The following KCNK5 variants were observed in gnomAD, a reference collection of about 807,000 sequenced individuals.
KCNK5 encodes potassium channel subfamily K member 5.
KCNK5 carries 18 observed loss-of-function variants against 32.9 expected under a neutral mutation model. That is an observed-to-expected ratio of 0.55 (90% CI 0.38 to 0.81). The LOEUF is 0.81. KCNK5 is among the 30% of genes least tolerant of loss of function. KCNK5 has a pLI of 0.00. For synonymous variants in KCNK5, 276 were observed against 275.3 expected, an observed-to-expected ratio of 1.00 and a Z score of -0.03; for missense variants, 507 against 651.0, an observed-to-expected ratio of 0.78 and a Z score of 2.41.
At chr6:39,216,728 T>TAGG (rs1391359439) in intron 1 of KCNK5, among the ~76,000 whole-genome samples, 2 of 152,196 alleles carry the variant, frequency 1.3e-5, no homozygotes, top group Non-Finnish European at 2.9e-5. Flanking sequence ...CAGCTCCCGT[T>TAGG]ACGGCTGTCA....
At chr6:39,211,425 G>C (rs981424844) in intron 1 of KCNK5, among the ~76,000 whole-genome samples, 1 of 152,150 alleles carries the variant, frequency 6.6e-6, no homozygotes, top group Non-Finnish European at 1.5e-5. Flanking sequence ...CGCTCGCCTC[G>C]GCTGTGCTTA....
At chr6:39,226,130 T>C (rs996829569) in intron 1 of KCNK5, among the ~76,000 whole-genome samples, 5 of 152,192 alleles carry the variant, frequency 3.3e-5, no homozygotes, top group Non-Finnish European at 1.5e-5. Context: ...GTGCCCTCTC[T>C]CATAAAATGA....
Position 39,219,038 on chromosome 6 carries a change from G to C in KCNK5, c.186+9888C>G, listed in dbSNP as rs12524213. ...GCTTAGTAAAATATCTGCTGAATGA[G>C]GAGCTGGATGGTTTGCTCTGTCTCA... On this transcript the variant is annotated intron_variant, in intron 1 of 4. Transcript: ENST00000359534. Among the ~76,000 whole-genome samples the C allele has an allele frequency of 4.5e-3, 678 of 152,266 alleles. 22 individuals carry two copies. The highest frequency in any genetic ancestry group is 0.043 in the Admixed American group (665 of 15,292).
intron 1 of KCNK5, among the ~76,000 whole-genome samples, chr6:39,213,322 A>G (rs1273650813): frequency 6.6e-6 from 1 of 152,232 alleles, no homozygotes; most frequent in East Asian, 1.9e-4. Flanking sequence ...AGAAAAAGTC[A>G]TCAATAATCC....
At chr6:39,222,978 C>T (rs1380582050) in intron 1 of KCNK5, among the ~76,000 whole-genome samples, 3 of 152,160 alleles carry the variant, frequency 2.0e-5, no homozygotes, top group Non-Finnish European at 4.4e-5. Context: ...ATATACTTAA[C>T]ACTACTGAGC....
intron 1 of KCNK5, among the ~76,000 whole-genome samples, chr6:39,214,292 C>T (rs1342696357): frequency 6.6e-6 from 1 of 152,178 alleles, no homozygotes; most frequent in African/African-American, 2.4e-5. Context: ...CATGCTTTCA[C>T]CAGGCAACCT....
intron 1 of KCNK5, among the ~76,000 whole-genome samples, 174 bp downstream of exon 1, chr6:39,228,752 G>A (rs1771716041): frequency 6.6e-6 from 1 of 152,138 alleles, no homozygotes; most frequent in African/African-American, 2.4e-5. Context: ...GTGTCCCTCG[G>A]GTGAGCGACA....
intron 1 of KCNK5, among the ~76,000 whole-genome samples, chr6:39,214,584 A>G (rs955685298): frequency 1.2e-4 from 18 of 152,166 alleles, no homozygotes; most frequent in African/African-American, 3.9e-4. Flanking sequence ...ATGGTTCAGG[A>G]CATTCATTAA....
rs971327090 is a variant in KCNK5 at position 39,190,401 on chromosome 6, C to T, written c.*489G>A. ...CCCACAGCTGGGATGCGGGCGGGCC[C>T]TGCTCCTGCTGTGGTACGGAAACAC... On this transcript the variant is annotated 3_prime_UTR_variant, in exon 5 of 5. Coordinates refer to ENST00000359534, the MANE Select transcript of KCNK5 (RefSeq NM_003740.4). 2 of 153,062 alleles carry T rather than the reference C, an allele frequency of 1.3e-5. No individual in the cohort carries two copies. Among genetic ancestry groups the T allele is most frequent in the African/African-American group, 4.8e-5 (2 of 41,456 alleles). 9.5% of individuals were successfully genotyped at this position (153,062 alleles called of 1,614,324 possible).
At chr6:39,211,902 T>C (rs1378869092) in intron 1 of KCNK5, among the ~76,000 whole-genome samples, 1 of 152,010 alleles carries the variant, frequency 6.6e-6, no homozygotes. Context: ...AGACGGAGGT[T>C]GCAGTGAGCT....
chr6:39,225,797 C>T (rs1164357356), intron 1 of KCNK5, among the ~76,000 whole-genome samples: 1 of 152,222 alleles, frequency 6.6e-6, no homozygotes, highest in African/African-American at 2.4e-5. Context: ...GGCAGACTGC[C>T]TGGTCATTGC....
intron 1 of KCNK5, among the ~76,000 whole-genome samples, chr6:39,215,913 G>A (rs1771425203): frequency 6.6e-6 from 1 of 152,208 alleles, no homozygotes; most frequent in Non-Finnish European, 1.5e-5. Context: ...AGTCGTAGGG[G>A]GAGGGGCTGG....
chr6:39,214,862 C>A lies in KCNK5; in HGVS notation c.186+14064G>T, dbSNP rs1771405502. Among the ~76,000 whole-genome samples the A allele has an allele frequency of 1.3e-5, 2 of 152,240 alleles. 1 individual carries two copies. Among genetic ancestry groups the A allele is most frequent in the South Asian group, 4.1e-4 (2 of 4,836 alleles). ...GCCCTCACAATATGCCCCAACCCCA[C>A]TCAATTCATAATATGCATTGCATGG... On this transcript the variant is annotated intron_variant, in intron 1 of 4. Coordinates refer to ENST00000359534, the MANE Select transcript of KCNK5 (RefSeq NM_003740.4).
chr6:39,205,251 G>A (rs1771203882), intron 1 of KCNK5, among the ~76,000 whole-genome samples: 1 of 152,132 alleles, frequency 6.6e-6, no homozygotes, highest in African/African-American at 2.4e-5. Context: ...CAGACACAGG[G>A]GACCTCGAGG....
intron 1 of KCNK5, among the ~76,000 whole-genome samples, chr6:39,203,538 C>G (rs1771167528): frequency 6.6e-6 from 1 of 152,258 alleles, no homozygotes; most frequent in Non-Finnish European, 1.5e-5. Flanking sequence ...CCACTTCCCC[C>G]CCATCACCCC....
At position 39,194,426 on chromosome 6, in the gene KCNK5, G is replaced by C; in HGVS notation, c.466-89C>G. 6.8e-7 allele frequency: 1 copy of C among 1,478,398 alleles called. No homozygotes were observed. Among genetic ancestry groups the C allele is most frequent in the African/African-American group, 1.4e-5 (1 of 71,350 alleles). 91.6% of individuals were successfully genotyped at this position (1,478,398 alleles called of 1,614,324 possible). A position where few individuals can be genotyped will look rare whatever the true frequency, so the allele number is the denominator to read the frequency against. ...CAGAGGGCCAGGGAGGCAGCTAGAG[G>C]AGAAGCTAGCTGGGTACCCAGCCTG... is the stretch of plus-strand genomic sequence containing the variant. On this transcript the variant is annotated intron_variant, in intron 3 of 4. Coordinates refer to ENST00000359534, the MANE Select transcript of KCNK5 (RefSeq NM_003740.4). This position sits in a 1 kb window ranked among gnomAD's most constrained non-coding sequence, Gnocchi z 4.7.
chr6:39,226,637 G>A (rs933393143), intron 1 of KCNK5, among the ~76,000 whole-genome samples: 8 of 152,158 alleles, frequency 5.3e-5, no homozygotes, highest in African/African-American at 1.9e-4. Flanking sequence ...CAAGCAGCCA[G>A]ATGGGAAAGA....
chr6:39,219,519 C>A (rs1199469138), intron 1 of KCNK5, among the ~76,000 whole-genome samples: 4 of 152,140 alleles, frequency 2.6e-5, no homozygotes, highest in African/African-American at 7.2e-5. Context: ...GCCTGGGCAA[C>A]AGAGTGAGAC....
chr6:39,227,691 T>C (rs774796154), intron 1 of KCNK5, among the ~76,000 whole-genome samples: 4 of 152,130 alleles, frequency 2.6e-5, no homozygotes, highest in South Asian at 2.1e-4. Flanking sequence ...GGGGACAAGA[T>C]TTTGATGTTT....
Sources: allele counts gnomAD v4.1 joint callset (sites outside exome capture counted in the v4.1 genomes callset), GRCh38; gene constraint gnomAD v4.1.1; non-coding constraint Gnocchi (gnomAD v3.1); transcripts MANE v1.5; gene names NCBI Gene and HGNC (gene_info 2026-07-23, HGNC 2026-07-21).